Variants in STAT4 observed in about 807,000 individuals in gnomAD.
STAT4 encodes the protein signal transducer and activator of transcription 4.
In STAT4, 42 loss-of-function variants were observed where a neutral mutation model predicts 110.5. The observed-to-expected ratio is 0.38, with a 90% CI of 0.30 to 0.49. The LOEUF (loss-of-function observed/expected upper bound fraction) is 0.49, where lower values mean the gene tolerates loss of function less well. STAT4 is among the 20% of genes least tolerant of loss of function. The pLI is 0.95. For synonymous variants in STAT4, 284 were observed against 302.2 expected (o/e 0.94, Z 0.63); for missense variants, 632 against 887.9 (o/e 0.71, Z 3.66).
At chr2:191,137,644 A>G (rs1466858403) in intron 3 of STAT4, among the ~76,000 whole-genome samples, 1 of 152,234 alleles carries the variant, frequency 6.6e-6, no homozygotes, top group Non-Finnish European at 1.5e-5. Context: ...TAACCAAAAC[A>G]GCATGTTACT....
chr2:191,053,556 T>G lies in STAT4; in HGVS notation c.1251+934A>C, dbSNP rs549020902. The stretch of plus-strand genomic sequence containing the variant: ...CATCAACTCAACGGAGTACTCAGAC[T>G]GCATCAGTTTGTTCTTTCATTCAAT... On this transcript the variant is annotated intron_variant, in intron 14 of 23. Transcript: ENST00000392320. This position sits in a 1 kb window ranked among gnomAD's most constrained non-coding sequence, Gnocchi z 4.5. Among the ~76,000 whole-genome samples the G allele has an allele frequency of 2.0e-5, 3 of 152,348 alleles. No homozygotes were observed. In the East Asian group the frequency reaches 5.8e-4, roughly 29 times the overall value.
rs867474124 is a variant in STAT4, at chr2:191,120,928, C to A, written c.273+25685G>T. The stretch of plus-strand genomic sequence containing the variant: ...AAGCCAAAATTGACAAATGGGATCT[C>A]ATTAAACTAAAGAGCTTCTGCACAG... On this transcript the variant is annotated intron_variant, in intron 3 of 23. Transcript: ENST00000392320. Among the ~76,000 whole-genome samples, 55 of 152,146 alleles carry A rather than the reference C, an allele frequency of 3.6e-4. No homozygotes were observed. In the Middle Eastern group the frequency reaches 0.01, roughly 28 times the overall value.
intron 3 of STAT4, among the ~76,000 whole-genome samples, chr2:191,084,371 T>C (rs1386505627): frequency 6.6e-6 from 1 of 152,170 alleles, no homozygotes; most frequent in East Asian, 1.9e-4. Context: ...CTAGGGATGG[T>C]TCTTTGATCT....
At chr2:191,056,153 A>T (rs990737635) in intron 13 of STAT4, among the ~76,000 whole-genome samples, 1 of 152,218 alleles carries the variant, frequency 6.6e-6, no homozygotes, top group African/African-American at 2.4e-5. Context: ...GTAGACTTTT[A>T]TCATTTTAAC....
intron 13 of STAT4, among the ~76,000 whole-genome samples, chr2:191,057,604 T>C (rs927698582): frequency 6.9e-6 from 1 of 145,186 alleles, no homozygotes; most frequent in African/African-American, 2.5e-5. Context: ...TTCTTTTTCT[T>C]TTTTTTTTTT....
At chr2:191,131,898 G>C in intron 3 of STAT4, 2 of 1,417,804 alleles carry the variant, frequency 1.4e-6, no homozygotes, top group Non-Finnish European at 1.8e-6. Flanking sequence ...CCAACCCTGG[G>C]GACTAAAGCA....
At chr2:191,073,245 G>A (rs1382643602) in intron 4 of STAT4, 55 bp from the exon 5 acceptor site, 4 of 1,423,154 alleles carry the variant, frequency 2.8e-6, no homozygotes. Context: ...TATGATGAAT[G>A]CAATACATAC....
chr2:191,116,899 G>C lies in STAT4; in HGVS notation c.273+29714C>G, dbSNP rs73982616. ...GTAAATAAATCTTTGGGAATCCATC[G>C]CTTCCACTAAGAAAGCAACTCAAAT... On this transcript the variant is annotated intron_variant, in intron 3 of 23. Transcript: ENST00000392320. The surrounding 1 kb of genome is among the most constrained non-coding windows in gnomAD (Gnocchi z 4.1). Among the ~76,000 whole-genome samples the C allele has an allele frequency of 6.6e-6, 1 of 152,166 alleles. No homozygotes were observed. The highest frequency in any genetic ancestry group is 2.4e-5 in the African/African-American group (1 of 41,434).
Position 191,083,944 on chromosome 2 carries a change from T to A in STAT4, c.274-7619A>T, listed in dbSNP as rs1234432414. Among the ~76,000 whole-genome samples, 1 of 152,144 alleles carries A rather than the reference T, an allele frequency of 6.6e-6. No homozygotes were observed. Among genetic ancestry groups the A allele is most frequent in the African/African-American group, 2.4e-5 (1 of 41,422 alleles). On this transcript the variant is annotated intron_variant, in intron 3 of 23. Coordinates refer to ENST00000392320, the MANE Select transcript of STAT4 (RefSeq NM_003151.4). This position sits in a 1 kb window ranked among gnomAD's most constrained non-coding sequence, Gnocchi z 4.6. The stretch of plus-strand genomic sequence containing the variant: ...AATTTAGACATTTGGCCTAAATTAG[T>A]CCGTCTTTGATAGGTGTTTTAAGAT...
rs1698606738 is a variant in STAT4 at position 191,117,645 on chromosome 2, G to T, written c.273+28968C>A. ...GCTGCAACTTGAAGGATGGTTGGGG[G>T]AGTAGGAAATTGCATCCTGGGCAGA... On this transcript the variant is annotated intron_variant, in intron 3 of 23. Coordinates refer to ENST00000392320, the MANE Select transcript of STAT4 (RefSeq NM_003151.4). The surrounding 1 kb of genome is among the most constrained non-coding windows in gnomAD (Gnocchi z 5.2). Among the ~76,000 whole-genome samples, 1 of 152,272 alleles carries T rather than the reference G, an allele frequency of 6.6e-6. No homozygotes were observed. The highest frequency in any genetic ancestry group is 1.9e-4 in the East Asian group (1 of 5,184).
intron 3 of STAT4, among the ~76,000 whole-genome samples, chr2:191,115,486 C>G (rs1185038286): frequency 1.3e-5 from 2 of 152,180 alleles, no homozygotes; most frequent in Non-Finnish European, 2.9e-5. Flanking sequence ...CTGTCTGGTT[C>G]ATTTGTGCAA....
At position 191,061,052 on chromosome 2, in the gene STAT4, A is replaced by C. The variant is rs1368623447; in HGVS notation, c.1034+677T>G. 6.6e-6 allele frequency among the ~76,000 whole-genome samples: 1 copy of C among 152,192 alleles called. No homozygotes were observed. The highest frequency in any genetic ancestry group is 2.4e-5 in the African/African-American group (1 of 41,422). The stretch of plus-strand genomic sequence containing the variant: ...CATGATGAGAACCTTTGAAAGTAAG[A>C]ACTCAAACTCATTGTTCTCAGCATC... On this transcript the variant is annotated intron_variant, in intron 10 of 23. Transcript: ENST00000392320. The surrounding 1 kb of genome is among the most constrained non-coding windows in gnomAD (Gnocchi z 6.2).
At position 191,042,157 on chromosome 2, in the gene STAT4, C is replaced by A. The variant is rs1696220663; in HGVS notation, c.1252-1009G>T. ...TTTGAAACAGCCAGATTCTAATAAT[C>A]ACCCTAAGTCTACAGTTCTCAACAC... is the stretch of plus-strand genomic sequence containing the variant. On this transcript the variant is annotated intron_variant, in intron 14 of 23. Transcript: ENST00000392320. The surrounding 1 kb of genome is among the most constrained non-coding windows in gnomAD (Gnocchi z 4.2). Among the ~76,000 whole-genome samples, 1 of 152,154 alleles carries A rather than the reference C, an allele frequency of 6.6e-6. No homozygotes were observed. Among genetic ancestry groups the A allele is most frequent in the East Asian group, 1.9e-4 (1 of 5,194 alleles).
intron 14 of STAT4, among the ~76,000 whole-genome samples, chr2:191,048,355 A>G (rs1426054257): frequency 6.6e-6 from 1 of 152,212 alleles, no homozygotes. Flanking sequence ...AAGCATTATT[A>G]ATTTTCACAG....
chr2:191,044,513 T>C (rs1156358294), intron 14 of STAT4, among the ~76,000 whole-genome samples: 1 of 152,178 alleles, frequency 6.6e-6, no homozygotes, highest in African/African-American at 2.4e-5. Flanking sequence ...ACTTTTTCTC[T>C]GGAAACTACT....
chr2:191,099,593 C>A lies in STAT4; in HGVS notation c.274-23268G>T, dbSNP rs753053663. Among the ~76,000 whole-genome samples, 3 of 152,012 alleles carry A rather than the reference C, an allele frequency of 2.0e-5. No individual in the cohort carries two copies. Among genetic ancestry groups the A allele is most frequent in the Admixed American group, 2.0e-4 (3 of 15,266 alleles). On this transcript the variant is annotated intron_variant, in intron 3 of 23. Transcript: ENST00000392320. The surrounding 1 kb of genome is among the most constrained non-coding windows in gnomAD (Gnocchi z 4.1). ...CATTTTTGTAAATGACAAAATATTT[C>A]ATCATTTACAAAATTTCATAAACAA...
chr2:191,124,446 G>A (rs1052617073), intron 3 of STAT4, among the ~76,000 whole-genome samples: 1 of 93,656 alleles, frequency 1.1e-5, no homozygotes, highest in Non-Finnish European at 2.0e-5. Flanking sequence ...AGAGTGAGAC[G>A]CCGTCTCAAA....
rs1338761644 is a variant in STAT4, at chr2:191,064,975, C to A, written c.631-17G>T. ...GAGAGCCTCCTAAAAACAAAGGGGA[C>A]TACTGAAGAGAGTTTCATAAGAAAT... On this transcript the variant is annotated splice_polypyrimidine_tract_variant and intron_variant, in intron 7 of 23. Coordinates refer to ENST00000392320, the MANE Select transcript of STAT4 (RefSeq NM_003151.4). The A allele has an allele frequency of 7.7e-6, 12 of 1,565,752 alleles. No homozygotes were observed. Among genetic ancestry groups the A allele is most frequent in the African/African-American group, 1.4e-5 (1 of 71,908 alleles).
chr2:191,039,756 A>G lies in STAT4; in HGVS notation c.1336-459T>C, dbSNP rs557623630. ...TAAACACTGGAAGTGGGAGGTTTCT[A>G]TTGTAAAAATAGGAGAGATAAGCTA... On this transcript the variant is annotated intron_variant, in intron 15 of 23. Transcript: ENST00000392320. The surrounding 1 kb of genome is among the most constrained non-coding windows in gnomAD (Gnocchi z 4.7). 1.4e-4 allele frequency among the ~76,000 whole-genome samples: 22 copies of G among 152,228 alleles called. No individual in the cohort carries two copies. Among genetic ancestry groups the G allele is most frequent in the Admixed American group, 2.6e-4 (4 of 15,278 alleles).
Sources: gnomAD v4.1 joint callset for allele counts (sites outside exome capture counted in the v4.1 genomes callset) on GRCh38, gnomAD v4.1.1 for gene constraint, Gnocchi (gnomAD v3.1) non-coding constraint, MANE v1.5 for transcripts, NCBI Gene and HGNC (gene_info 2026-07-23, HGNC 2026-07-21) for gene names.